Variants in MAD1L1 observed in about 807,000 individuals in gnomAD.
The protein encoded by MAD1L1 is mitotic arrest deficient 1 like 1, also known as mitotic spindle assembly checkpoint protein MAD1.
Under a neutral mutation model 96.9 loss-of-function variants are expected in MAD1L1, and 95 were observed. The ratio of observed to expected loss-of-function variants is 0.98; its 90% CI spans 0.83 to 1.16. The LOEUF (loss-of-function observed/expected upper bound fraction) is 1.16. MAD1L1 is among the 50% of genes most tolerant of loss of function. The pLI is 0.00. For missense variants in MAD1L1, 1,007 were observed against 954.4 expected (o/e 1.06, Z -0.73); for synonymous variants, 473 against 396.6 (o/e 1.19, Z -2.29).
intron 1 of MAD1L1, among the ~76,000 whole-genome samples, chr7:2,231,876 C>A (rs1172344348): frequency 1.3e-5 from 2 of 151,922 alleles, no homozygotes; most frequent in Non-Finnish European, 2.9e-5. Context: ...TTGTGGGGAA[C>A]GGGGCCAATA....
At chr7:2,047,550 T>A (rs2128515129) in intron 12 of MAD1L1, among the ~76,000 whole-genome samples, 1 of 152,348 alleles carries the variant, frequency 6.6e-6, no homozygotes, top group South Asian at 2.1e-4. Flanking sequence ...GTTTAATAAC[T>A]ATCACAATGG....
intron 11 of MAD1L1, among the ~76,000 whole-genome samples, chr7:2,135,795 C>T (rs1788721412): frequency 1.3e-5 from 2 of 152,254 alleles, no homozygotes; most frequent in Admixed American, 6.5e-5. Flanking sequence ...AAAGTACACT[C>T]ATGAAGGGAG....
rs532612644 is a variant in MAD1L1, at chr7:2,129,165, C to T, written c.1073+19987G>A. 2.5e-3 allele frequency among the ~76,000 whole-genome samples: 387 copies of T among 152,212 alleles called. 3 individuals are homozygous for T. Among genetic ancestry groups the T allele is most frequent in the African/African-American group, 8.4e-3 (350 of 41,524 alleles). On this transcript the variant is annotated intron_variant, in intron 11 of 18. Coordinates refer to ENST00000265854, the MANE Select transcript of MAD1L1 (RefSeq NM_001013836.2). ...GGGCAGGCGCATTCCATGAGGGGCCCGCAGGATCCCGGGGGAGCTGGGGCC... is the reference window on the plus strand; with the variant it reads ...GGGCAGGCGCATTCCATGAGGGGCCTGCAGGATCCCGGGGGAGCTGGGGCC...
At chr7:1,953,426 AG>A (rs1001831385) in intron 16 of MAD1L1, among the ~76,000 whole-genome samples, 1 of 152,140 alleles carries the variant, frequency 6.6e-6, no homozygotes, top group Non-Finnish European at 1.5e-5. Context: ...TGGGGCGGGG[AG>A]GGAGCCGCAC....
chr7:2,208,806 C>G (rs578197426), intron 10 of MAD1L1, among the ~76,000 whole-genome samples: 1 of 152,262 alleles, frequency 6.6e-6, no homozygotes, highest in East Asian at 1.9e-4. Flanking sequence ...CCGAGGATGA[C>G]ACGTACCTCA....
At chr7:1,970,856 T>C (rs1354360186) in intron 15 of MAD1L1, among the ~76,000 whole-genome samples, 1 of 152,178 alleles carries the variant, frequency 6.6e-6, no homozygotes, top group Non-Finnish European at 1.5e-5. Context: ...GTTTTAAAAC[T>C]CTGAAGATAA....
intron 18 of MAD1L1, among the ~76,000 whole-genome samples, chr7:1,889,197 C>T (rs918052370): frequency 5.3e-5 from 8 of 152,196 alleles, no homozygotes; most frequent in Non-Finnish European, 1.0e-4. Context: ...CTGGCAGAGG[C>T]AAGCGACATC....
At chr7:2,226,124 C>G (rs1032624224) in intron 3 of MAD1L1, among the ~76,000 whole-genome samples, 1 of 152,230 alleles carries the variant, frequency 6.6e-6, no homozygotes, top group African/African-American at 2.4e-5. Flanking sequence ...GACGTCTGGA[C>G]TCAGACTTAA....
chr7:2,206,468 T>C (rs1209140535), intron 10 of MAD1L1, among the ~76,000 whole-genome samples: 1 of 152,242 alleles, frequency 6.6e-6, no homozygotes, highest in Non-Finnish European at 1.5e-5. Flanking sequence ...AGTTAAATCT[T>C]GTGTCCAGCA....
intron 15 of MAD1L1, among the ~76,000 whole-genome samples, chr7:1,966,203 C>G (rs1255826283): frequency 6.6e-6 from 1 of 152,252 alleles, no homozygotes; most frequent in Non-Finnish European, 1.5e-5. Flanking sequence ...GGGACCTGGG[C>G]TAGAAACCAC....
At chr7:2,203,066 C>G (rs1792398307) in intron 10 of MAD1L1, among the ~76,000 whole-genome samples, 1 of 152,232 alleles carries the variant, frequency 6.6e-6, no homozygotes, top group African/African-American at 2.4e-5. Flanking sequence ...GCAGCCCCTC[C>G]TCACCCCCTC....
At chr7:1,977,358 G>A (rs1253940373) in intron 15 of MAD1L1, among the ~76,000 whole-genome samples, 1 of 152,258 alleles carries the variant, frequency 6.6e-6, no homozygotes, top group Admixed American at 6.5e-5. Flanking sequence ...GCTGGCCCAG[G>A]TGCTAAGCCC....
intron 10 of MAD1L1, among the ~76,000 whole-genome samples, chr7:2,211,639 C>T (rs1389804910): frequency 6.6e-6 from 1 of 152,228 alleles, no homozygotes; most frequent in Admixed American, 6.5e-5. Flanking sequence ...AAGCACAAAG[C>T]ATTTAGGCCC....
At chr7:2,124,715 C>T (rs1788148678) in intron 11 of MAD1L1, among the ~76,000 whole-genome samples, 3 of 152,190 alleles carry the variant, frequency 2.0e-5, no homozygotes, top group Admixed American at 6.5e-5. Context: ...CCCACCCTGC[C>T]CCACCCTCCT....
intron 17 of MAD1L1, among the ~76,000 whole-genome samples, chr7:1,901,203 T>A (rs942577516): frequency 6.6e-5 from 10 of 152,202 alleles, no homozygotes; most frequent in African/African-American, 2.2e-4. Context: ...CCCCCCTTTA[T>A]CCCTGTAGTT....
intron 18 of MAD1L1, among the ~76,000 whole-genome samples, chr7:1,826,646 C>T (rs1179451025): frequency 1.3e-5 from 2 of 152,240 alleles, no homozygotes; most frequent in African/African-American, 2.4e-5. Flanking sequence ...CAGATGCTGC[C>T]GCGTGAGCAC....
chr7:2,190,660 C>G (rs1791675219), intron 10 of MAD1L1, among the ~76,000 whole-genome samples: 1 of 152,090 alleles, frequency 6.6e-6, no homozygotes, highest in Non-Finnish European at 1.5e-5. Context: ...AGACACTTCA[C>G]AAAAGAAGAT....
intron 18 of MAD1L1, among the ~76,000 whole-genome samples, chr7:1,853,735 C>T (rs540781998): frequency 6.6e-6 from 1 of 152,304 alleles, no homozygotes; most frequent in Admixed American, 6.5e-5. Flanking sequence ...CCCTTCCATC[C>T]CCGCCCAATG....
chr7:2,045,174 C>T (rs1340724856), intron 12 of MAD1L1, among the ~76,000 whole-genome samples: 1 of 152,204 alleles, frequency 6.6e-6, no homozygotes, highest in Non-Finnish European at 1.5e-5. Context: ...CCACACCCCT[C>T]TCTGCTCCAG....
Sources: allele counts gnomAD v4.1 joint callset (sites outside exome capture counted in the v4.1 genomes callset), GRCh38; gene constraint gnomAD v4.1.1; transcripts MANE v1.5; gene names NCBI Gene and HGNC (gene_info 2026-07-23, HGNC 2026-07-21).